Variants in KAZN observed in about 807,000 individuals in gnomAD.
The protein encoded by KAZN is kazrin, periplakin interacting protein, also known as kazrin.
A neutral mutation model predicts 87.4 loss-of-function variants in KAZN; 40 were observed. The observed-to-expected ratio is 0.46, with a 90% confidence interval of 0.36 to 0.60. KAZN has a LOEUF of 0.60. Ranked by LOEUF, KAZN falls within the 20% of genes least tolerant of loss-of-function variation. The probability of loss-of-function intolerance (pLI) is 0.00; values close to 1 mark genes in which losing one functional copy is unlikely to be tolerated. For missense variants in KAZN, 898 were observed against 1,073.9 expected, an observed-to-expected ratio of 0.84 and a Z score of 2.29; for synonymous variants, 466 against 458.3, an observed-to-expected ratio of 1.02 and a Z score of -0.22.
At chr1:14,061,442 C>T (rs1338593761) in intron 1 of KAZN, among the ~76,000 whole-genome samples, 3 of 152,156 alleles carry the variant, frequency 2.0e-5, no homozygotes, top group Non-Finnish European at 4.4e-5. Flanking sequence ...CAGAAGAGAG[C>T]TTGGTATGTC....
chr1:14,406,960 T>C (rs1416227408), intron 2 of KAZN, among the ~76,000 whole-genome samples: 1 of 152,182 alleles, frequency 6.6e-6, no homozygotes, highest in Admixed American at 6.5e-5. Context: ...AGCTGAGACT[T>C]AGCAGGCACT....
intron 2 of KAZN, among the ~76,000 whole-genome samples, chr1:14,497,652 C>A (rs984157312): frequency 6.6e-6 from 1 of 152,078 alleles, no homozygotes; most frequent in Admixed American, 6.6e-5. Flanking sequence ...AGACTACTTA[C>A]CCATTCAGCC....
intron 1 of KAZN, among the ~76,000 whole-genome samples, chr1:14,839,563 A>G (rs369357974): frequency 9.2e-5 from 14 of 152,262 alleles, no homozygotes; most frequent in Admixed American, 9.2e-4. Context: ...TCAAGATCCA[A>G]CCAAGATATC....
chr1:14,022,485 CAA>C (rs58713618), intron 1 of KAZN, among the ~76,000 whole-genome samples: 323 of 110,178 alleles, frequency 2.9e-3, no homozygotes, highest in African/African-American at 0.01. Context: ...GTATTTAAAG[CAA>C]AAAAAAAAAA....
intron 2 of KAZN, among the ~76,000 whole-genome samples, chr1:15,031,403 G>A (rs562666594): frequency 3.3e-5 from 5 of 152,344 alleles, no homozygotes; most frequent in East Asian, 1.9e-4. Context: ...GGAAAAGGAC[G>A]GAGTGCTAGG....
At chr1:14,012,990 T>A (rs1640387806) in intron 1 of KAZN, among the ~76,000 whole-genome samples, 1 of 152,208 alleles carries the variant, frequency 6.6e-6, no homozygotes, top group South Asian at 2.1e-4. Flanking sequence ...GAGACCAGCA[T>A]CCCTGCCCTG....
rs36060158 is a variant in KAZN, at chr1:14,591,418, AACAC to A, written c.250-7536_250-7533del. Among the ~76,000 whole-genome samples the A allele has an allele frequency of 7.0e-3, 1,031 of 147,258 alleles. 17 individuals carry two copies. The highest frequency in any genetic ancestry group is 0.02 in the African/African-American group (813 of 39,724). ...TAAGGCCCCGAACAGGGAAAGAAGA[AACAC>A]ACACACACACACACACACACACACA... On this transcript the variant is annotated intron_variant, in intron 2 of 16. Coordinates refer to the KAZN transcript ENST00000636203.
intron 1 of KAZN, among the ~76,000 whole-genome samples, chr1:14,843,580 G>C (rs1160836633): frequency 6.6e-6 from 1 of 152,196 alleles, no homozygotes; most frequent in Non-Finnish European, 1.5e-5. Flanking sequence ...AAGAGCCTTT[G>C]GGGCACAGAA....
chr1:14,723,852 C>G (rs72636624), intron 1 of KAZN, among the ~76,000 whole-genome samples: 32,005 of 151,974 alleles, frequency 0.21, 3,731 homozygotes, highest in African/African-American at 0.31. Context: ...CCTCCTATTT[C>G]CCAGACACTG....
intron 2 of KAZN, among the ~76,000 whole-genome samples, chr1:14,395,682 T>A: frequency 6.6e-6 from 1 of 152,158 alleles, no homozygotes. Context: ...GACTAGGGTA[T>A]CCTTGATCCA....
At chr1:15,012,589 A>T (rs1283135580) in intron 2 of KAZN, among the ~76,000 whole-genome samples, 3 of 152,172 alleles carry the variant, frequency 2.0e-5, no homozygotes, top group Non-Finnish European at 2.9e-5. Context: ...GAAGACACAC[A>T]CAGAACATAG....
intron 3 of KAZN, among the ~76,000 whole-genome samples, chr1:15,036,672 G>C (rs1672371001): frequency 6.6e-6 from 1 of 152,108 alleles, no homozygotes; most frequent in Non-Finnish European, 1.5e-5. Flanking sequence ...CACCAGCAAG[G>C]AGTCAGAGAC....
At chr1:14,398,760 T>C (rs531736731) in intron 2 of KAZN, among the ~76,000 whole-genome samples, 2 of 152,310 alleles carry the variant, frequency 1.3e-5, no homozygotes, top group East Asian at 3.9e-4. Context: ...ACGGAACTGA[T>C]GGGAGAGAGA....
intron 1 of KAZN, among the ~76,000 whole-genome samples, chr1:14,077,795 T>A (rs1643518555): frequency 6.6e-6 from 1 of 152,058 alleles, no homozygotes; most frequent in Non-Finnish European, 1.5e-5. Flanking sequence ...TGGCTGGAGT[T>A]CTTACACGGA....
chr1:14,560,993 G>T (rs1329783392), intron 2 of KAZN, among the ~76,000 whole-genome samples: 1 of 152,128 alleles, frequency 6.6e-6, no homozygotes, highest in Admixed American at 6.5e-5. Context: ...CTGTGCCAGG[G>T]TCCCACCATT....
chr1:14,843,143 C>G (rs1395356602), intron 1 of KAZN, among the ~76,000 whole-genome samples: 3 of 152,088 alleles, frequency 2.0e-5, no homozygotes, highest in Non-Finnish European at 4.4e-5. Context: ...CACTGTAGAG[C>G]CAGGAAGTAT....
At chr1:14,798,305 G>A (rs2803392) in intron 1 of KAZN, among the ~76,000 whole-genome samples, 91,008 of 151,248 alleles carry the variant, frequency 0.6, 27,360 homozygotes, top group East Asian at 0.73. Flanking sequence ...ACATAATTAA[G>A]TAGGGCAGCA....
intron 2 of KAZN, among the ~76,000 whole-genome samples, chr1:14,241,918 A>G (rs1324875162): frequency 2.0e-5 from 3 of 152,190 alleles, no homozygotes; most frequent in Non-Finnish European, 4.4e-5. Flanking sequence ...CCACCCCCAA[A>G]GTGTGCCAAA....
At chr1:14,194,113 ATAT>A (rs2100374146) in intron 2 of KAZN, among the ~76,000 whole-genome samples, 1 of 152,254 alleles carries the variant, frequency 6.6e-6, no homozygotes, top group South Asian at 2.1e-4. Flanking sequence ...TTCCAGATGC[ATAT>A]TATTAGAATG....
Sources: allele counts gnomAD v4.1 joint callset (sites outside exome capture counted in the v4.1 genomes callset), GRCh38; gene constraint gnomAD v4.1.1; transcripts MANE v1.5; gene names NCBI Gene and HGNC (gene_info 2026-07-23, HGNC 2026-07-21).